Variants in RETREG1 observed in about 807,000 individuals in gnomAD.
RETREG1 encodes the protein family with sequence similarity 134 member B.
In RETREG1, 44 loss-of-function variants were observed where a neutral mutation model predicts 54.8. The observed-to-expected ratio is 0.80, with a 90% CI of 0.63 to 1.03. The LOEUF (loss-of-function observed/expected upper bound fraction) is 1.03. RETREG1 is among the 50% of genes least tolerant of loss of function. The pLI is 0.00. For missense variants in RETREG1, 554 were observed against 605.1 expected (o/e 0.92, Z 0.89); for synonymous variants, 217 against 238.5 (o/e 0.91, Z 0.83).
At chr5:16,526,459 C>T (rs1254106174) in intron 3 of RETREG1, among the ~76,000 whole-genome samples, 1 of 152,128 alleles carries the variant, frequency 6.6e-6, no homozygotes, top group South Asian at 2.1e-4. Context: ...CCAAGCATTA[C>T]ATGGGAAAAG....
intron 3 of RETREG1, among the ~76,000 whole-genome samples, chr5:16,490,477 A>G (rs1178304148): frequency 6.6e-6 from 1 of 152,224 alleles, no homozygotes; most frequent in Non-Finnish European, 1.5e-5. Flanking sequence ...TTTGTTAACA[A>G]TTCAAATAAA....
At chr5:16,547,501 C>A (rs1479658474) in intron 3 of RETREG1, among the ~76,000 whole-genome samples, 1 of 152,164 alleles carries the variant, frequency 6.6e-6, no homozygotes, top group African/African-American at 2.4e-5. Flanking sequence ...TTGTTGAAAA[C>A]CATGAGTATT....
At chr5:16,527,337 T>C (rs985796787) in intron 3 of RETREG1, among the ~76,000 whole-genome samples, 1 of 152,198 alleles carries the variant, frequency 6.6e-6, no homozygotes, top group Admixed American at 6.5e-5. Flanking sequence ...CTGTGTGCAA[T>C]TGAAATTTCA....
At chr5:16,525,688 G>A (rs138404362) in intron 3 of RETREG1, among the ~76,000 whole-genome samples, 120 of 152,108 alleles carry the variant, frequency 7.9e-4, no homozygotes, top group African/African-American at 2.3e-3. Context: ...ATAGAGACTC[G>A]GCAGCACTGA....
chr5:16,570,537 T>C (rs1409148235), intron 2 of RETREG1, among the ~76,000 whole-genome samples: 1 of 152,040 alleles, frequency 6.6e-6, no homozygotes, highest in African/African-American at 2.4e-5. Context: ...TACACCAAGA[T>C]AAAATGGTTG....
At chr5:16,573,061 C>T (rs1742223275) in intron 1 of RETREG1, among the ~76,000 whole-genome samples, 1 of 151,580 alleles carries the variant, frequency 6.6e-6, no homozygotes. Flanking sequence ...CGTGCGCCTG[C>T]AGTCCCAGCT....
At chr5:16,616,460 G>A (rs1743511145) in intron 1 of RETREG1, 192 bp downstream of exon 1, 1 of 1,038,458 alleles carries the variant, frequency 9.6e-7, no homozygotes, top group Non-Finnish European at 1.3e-6. Flanking sequence ...ACTGCTCACA[G>A]GGACGTGCGT....
intron 1 of RETREG1, among the ~76,000 whole-genome samples, chr5:16,582,018 A>G (rs924103732): frequency 6.6e-6 from 1 of 152,220 alleles, no homozygotes; most frequent in African/African-American, 2.4e-5. Flanking sequence ...AGCGTATTTC[A>G]AACTTTGGAA....
chr5:16,509,047 T>TG, intron 3 of RETREG1: 1 of 992,960 alleles, frequency 1.0e-6, no homozygotes, highest in Non-Finnish European at 1.2e-6. Flanking sequence ...GCTTTTTTTT[T>TG]TTTTTTTCTG....
At chr5:16,523,035 T>TAG (rs149898762) in intron 3 of RETREG1, among the ~76,000 whole-genome samples, 52 of 145,726 alleles carry the variant, frequency 3.6e-4, no homozygotes, top group East Asian at 1.6e-3. Flanking sequence ...AAGAAAGAGA[T>TAG]AGAGAGAGAG....
chr5:16,584,789 A>G (rs995127050), intron 1 of RETREG1, among the ~76,000 whole-genome samples: 13 of 152,218 alleles, frequency 8.5e-5, no homozygotes, highest in Admixed American at 6.5e-4. Flanking sequence ...GACCCTCTCA[A>G]TTGTAATATG....
intron 1 of RETREG1, among the ~76,000 whole-genome samples, chr5:16,604,925 G>A (rs976049227): frequency 7.2e-5 from 11 of 152,126 alleles, no homozygotes; most frequent in Admixed American, 2.0e-4. Context: ...TTTAGCAAAT[G>A]GGAAATTTCC....
At chr5:16,526,715 A>G (rs1740726153) in intron 3 of RETREG1, among the ~76,000 whole-genome samples, 1 of 152,218 alleles carries the variant, frequency 6.6e-6, no homozygotes, top group South Asian at 2.1e-4. Context: ...CATCAATATC[A>G]GAATATTAGA....
At chr5:16,579,606 C>T (rs1290996879) in intron 1 of RETREG1, among the ~76,000 whole-genome samples, 2 of 152,226 alleles carry the variant, frequency 1.3e-5, no homozygotes, top group Non-Finnish European at 2.9e-5. Context: ...TGTCCTCCAT[C>T]TATTCATCCC....
intron 1 of RETREG1, among the ~76,000 whole-genome samples, chr5:16,572,410 G>T (rs753674693): frequency 1.3e-5 from 2 of 151,870 alleles, no homozygotes; most frequent in Non-Finnish European, 2.9e-5. Flanking sequence ...ACAGGGTTTC[G>T]CCATGTTGGC....
rs1224170966 is a variant in RETREG1 at position 16,478,101 on chromosome 5, G to A, written c.809-3C>T. The A allele has an allele frequency of 6.8e-6, 11 of 1,607,614 alleles. No homozygotes were observed. Among genetic ancestry groups the A allele is most frequent in the Non-Finnish European group, 9.4e-6 (11 of 1,175,252 alleles). On this transcript the variant is annotated splice_polypyrimidine_tract_variant and splice_region_variant and intron_variant, in intron 6 of 8. Transcript: ENST00000306320. ...GTGACTTTTTTCTTTGTCTGCTTCT[G>A]TTGAGGAAAAAATTTGGAAGCTTTC...
rs560576308 is a variant in RETREG1, at chr5:16,553,005, T to C, written c.458+12758A>G. 2.9e-3 allele frequency among the ~76,000 whole-genome samples: 446 copies of C among 152,312 alleles called. 3 individuals are homozygous for C. The highest frequency in any genetic ancestry group is 4.5e-3 in the Non-Finnish European group (309 of 68,026). Reference sequence around the variant, plus strand: ...AACCTCCCAAGAACTCACAAGAATATTTCCATGCTAGGTGTCACAGCCCTT... The same window carrying C: ...AACCTCCCAAGAACTCACAAGAATACTTCCATGCTAGGTGTCACAGCCCTT... On this transcript the variant is annotated intron_variant, in intron 3 of 8. Transcript: ENST00000306320.
intron 4 of RETREG1, 175 bp downstream of exon 4, chr5:16,483,171 C>G: frequency 1.5e-6 from 1 of 672,536 alleles, no homozygotes; most frequent in Non-Finnish European, 2.6e-6. Flanking sequence ...TGAGGATTAT[C>G]TAGTGTTCGC....
At chr5:16,559,039 T>C (rs1300913657) in intron 3 of RETREG1, among the ~76,000 whole-genome samples, 1 of 152,234 alleles carries the variant, frequency 6.6e-6, no homozygotes, top group Non-Finnish European at 1.5e-5. Flanking sequence ...TCCAATTTGT[T>C]CTGGGCCTAT....
Sources: gnomAD v4.1 joint callset for allele counts (sites outside exome capture counted in the v4.1 genomes callset) on GRCh38, gnomAD v4.1.1 for gene constraint, MANE v1.5 for transcripts, NCBI Gene and HGNC (gene_info 2026-07-23, HGNC 2026-07-21) for gene names.